TMED3: variants seen among roughly 807,000 people sequenced by gnomAD.
TMED3 encodes transmembrane emp24 domain-containing protein 3.
A neutral mutation model predicts 15.0 loss-of-function variants in TMED3; 9 were observed. That is an observed-to-expected ratio of 0.60 (90% confidence interval 0.36 to 1.04). The LOEUF (loss-of-function observed/expected upper bound fraction) is 1.04. Ranked by LOEUF, TMED3 falls within the 50% of genes least tolerant of loss-of-function variation. The probability of loss-of-function intolerance (pLI) is 0.01; values close to 1 mark genes in which losing one functional copy is unlikely to be tolerated. For missense variants in TMED3, 267 were observed against 278.9 expected, an observed-to-expected ratio of 0.96 and a Z score of 0.30; for synonymous variants, 117 against 121.4, an observed-to-expected ratio of 0.96 and a Z score of 0.24.
intron 2 of TMED3, among the ~76,000 whole-genome samples, chr15:79,343,415 G>C (rs1295081395): frequency 6.6e-6 from 1 of 152,210 alleles, no homozygotes; most frequent in Non-Finnish European, 1.5e-5. Context: ...GAGATCATCT[G>C]TCTTCGCTCA....
Position 79,322,610 on chromosome 15 carries a change from T to C in TMED3, c.*396T>C. 4.0e-6 allele frequency: 4 copies of C among 1,004,062 alleles called. No homozygotes were observed. The highest frequency in any genetic ancestry group is 4.7e-6 in the Non-Finnish European group (4 of 842,928). The allele number at this position is 1,004,062 out of a possible 1,614,324, so 62.2% of individuals were successfully genotyped here. ...CATTTGTCTTGGGTGTCCTATCCCA[T>C]ATGGAGAAGAAAGGGGCTCTAAGTT... is the stretch of plus-strand genomic sequence containing the variant. On this transcript the variant is annotated 3_prime_UTR_variant, in exon 3 of 3. Coordinates refer to ENST00000299705, the MANE Select transcript of TMED3 (RefSeq NM_007364.4).
chr15:79,346,961 A>C (rs1290539567), intron 2 of TMED3, among the ~76,000 whole-genome samples: 1 of 152,206 alleles, frequency 6.6e-6, no homozygotes, highest in Non-Finnish European at 1.5e-5. Context: ...TACAAAGACG[A>C]TCTGGTAGCA....
intron 2 of TMED3, among the ~76,000 whole-genome samples, chr15:79,344,055 C>T (rs374212239): frequency 2.4e-4 from 37 of 152,218 alleles, no homozygotes; most frequent in African/African-American, 5.5e-4. Context: ...ACTCGGCCTA[C>T]GTAGTTCACC....
chr15:79,400,230 A>G (rs185376438), intron 2 of TMED3, among the ~76,000 whole-genome samples: 72 of 152,214 alleles, frequency 4.7e-4, no homozygotes, highest in Admixed American at 2.5e-3. Flanking sequence ...CTCAGCTTCA[A>G]TGTCACTTCC....
chr15:79,391,045 A>G (rs1325660662), intron 2 of TMED3, among the ~76,000 whole-genome samples: 3 of 147,394 alleles, frequency 2.0e-5, no homozygotes, highest in Non-Finnish European at 4.5e-5. Context: ...TTTTTGTTTC[A>G]TTTATCTTTT....
intron 2 of TMED3, among the ~76,000 whole-genome samples, chr15:79,392,355 A>G (rs1331876606): frequency 6.6e-6 from 1 of 152,096 alleles, no homozygotes; most frequent in East Asian, 1.9e-4. Flanking sequence ...TCTTTCCTTC[A>G]TATATGATGC....
rs1023969831 is a variant in TMED3 at position 79,406,575 on chromosome 15, A to G, written c.418-4825A>G. Among the ~76,000 whole-genome samples the G allele has an allele frequency of 2.0e-5, 3 of 152,202 alleles. No individual in the cohort carries two copies. In the South Asian group the frequency reaches 6.2e-4, roughly 32 times the overall value. On this transcript the variant is annotated intron_variant, in intron 2 of 2. Coordinates refer to the TMED3 transcript ENST00000424155. ...AAGTAGCCACAGATCCCTTTGGGAA[A>G]GGACTGGAAGAATATTGATTTCTCT...
chr15:79,321,872 C>T (rs374113431), intron 2 of TMED3, 106 bp from the exon 3 acceptor site: 1 of 1,324,732 alleles, frequency 7.5e-7, no homozygotes. Context: ...TCTTAGTTAG[C>T]ATTCAGTGGA....
At position 79,342,155 on chromosome 15, in the gene TMED3, A is replaced by G. The variant is rs147673109; in HGVS notation, c.417+28150A>G. 1.4e-4 allele frequency among the ~76,000 whole-genome samples: 21 copies of G among 152,358 alleles called. No homozygotes were observed. In the East Asian group the frequency reaches 3.9e-3, roughly 28 times the overall value. ...AGAGTTTGAAGCAGAGATATAAGCA[A>G]TAAAGATAGGATAAAAGATCTTACA... On this transcript the variant is annotated intron_variant, in intron 2 of 2. Coordinates refer to the TMED3 transcript ENST00000424155.
exon 3 of TMED3, chr15:79,411,918 G>A (rs1389752227): frequency 5.7e-6 from 1 of 175,308 alleles, no homozygotes; most frequent in Non-Finnish European, 1.2e-5. Flanking sequence ...TCTTCAGGGT[G>A]GTCTTGCCTG....
intron 1 of TMED3, among the ~76,000 whole-genome samples, 177 bp downstream of exon 1, chr15:79,311,594 C>T (rs181338956): frequency 2.6e-4 from 39 of 152,302 alleles, no homozygotes; most frequent in African/African-American, 9.1e-4. Flanking sequence ...TTTGGGTCAT[C>T]AGGGCCCACC....
chr15:79,408,692 T>G (rs1241493663), intron 2 of TMED3, among the ~76,000 whole-genome samples: 2 of 152,168 alleles, frequency 1.3e-5, no homozygotes, highest in Non-Finnish European at 2.9e-5. Context: ...AATTCTGTGC[T>G]GTGTGGCTTT....
At chr15:79,334,997 TA>T (rs2058822233) in intron 2 of TMED3, among the ~76,000 whole-genome samples, 1 of 152,050 alleles carries the variant, frequency 6.6e-6, no homozygotes. Context: ...GGAGGGACAC[TA>T]AAGAAAGGCT....
rs148351424 is a variant in TMED3, at chr15:79,339,421, C to G, written c.417+25416C>G. On this transcript the variant is annotated intron_variant, in intron 2 of 2. Coordinates refer to the TMED3 transcript ENST00000424155. ...TCTTGTGTCTTTATTTCTACACTCT[C>G]TCATCTCCGCACACGGGGAGAGACC... is the stretch of plus-strand genomic sequence containing the variant. Among the ~76,000 whole-genome samples the G allele has an allele frequency of 2.2e-3, 332 of 152,294 alleles. 1 individual carries two copies. Among genetic ancestry groups the G allele is most frequent in the African/African-American group, 7.7e-3 (318 of 41,560 alleles).
At chr15:79,319,734 A>G (rs1217357037) in intron 2 of TMED3, among the ~76,000 whole-genome samples, 3 of 152,114 alleles carry the variant, frequency 2.0e-5, no homozygotes, top group Admixed American at 2.0e-4. Context: ...ATCTCCAATG[A>G]TTGGTAAGGT....
intron 2 of TMED3, among the ~76,000 whole-genome samples, chr15:79,375,570 T>G (rs1331268776): frequency 2.0e-5 from 3 of 152,126 alleles, no homozygotes; most frequent in Non-Finnish European, 4.4e-5. Flanking sequence ...TTACCATTCA[T>G]GGTGGAAGGC....
intron 2 of TMED3, among the ~76,000 whole-genome samples, chr15:79,396,967 G>A (rs561125297): frequency 1.3e-5 from 2 of 152,204 alleles, no homozygotes; most frequent in South Asian, 2.1e-4. Context: ...AATGACACAC[G>A]TGGCTTGCAT....
chr15:79,325,019 A>G (rs1191203073), downstream of TMED3, among the ~76,000 whole-genome samples: 4 of 152,166 alleles, frequency 2.6e-5, no homozygotes, highest in Admixed American at 6.5e-5. Context: ...TTTCAGTAAA[A>G]TCCCTTTAAA....
At chr15:79,358,593 C>T (rs1447813883) in intron 2 of TMED3, among the ~76,000 whole-genome samples, 1 of 152,190 alleles carries the variant, frequency 6.6e-6, no homozygotes, top group African/African-American at 2.4e-5. Context: ...ACAGAAGCAT[C>T]CCTCAGGCCC....
Sources: allele counts gnomAD v4.1 joint callset (sites outside exome capture counted in the v4.1 genomes callset), GRCh38; gene constraint gnomAD v4.1.1; transcripts MANE v1.5; gene names NCBI Gene and HGNC (gene_info 2026-07-23, HGNC 2026-07-21).